The following GALNTL6 variants were observed in gnomAD, a reference collection of about 807,000 sequenced individuals.
GALNTL6 encodes the protein polypeptide N-acetylgalactosaminyltransferase like 6.
In GALNTL6, 46 loss-of-function variants were observed where a neutral mutation model predicts 73.7. That is an observed-to-expected ratio of 0.62 (90% CI 0.49 to 0.80). GALNTL6 has a LOEUF of 0.80. Ranked by LOEUF, GALNTL6 falls within the 30% of genes least tolerant of loss-of-function variation. GALNTL6 has a pLI of 0.00. For missense variants in GALNTL6, 604 were observed against 755.0 expected (o/e 0.80, Z 2.34); for synonymous variants, 259 against 263.7 (o/e 0.98, Z 0.17).
rs565521886 is a variant in GALNTL6, at chr4:172,232,436, T to G, written c.247+2672T>G. On this transcript the variant is annotated intron_variant, in intron 3 of 12. Coordinates refer to ENST00000506823, the MANE Select transcript of GALNTL6 (RefSeq NM_001034845.3). ...TCATTTTTACTATTCTTTAATTTTC[T>G]GTAACATTGTCCTCTTGGTGGGCCT... Among the ~76,000 whole-genome samples the G allele has an allele frequency of 2.2e-4, 34 of 152,334 alleles. 1 individual carries two copies. Among genetic ancestry groups the G allele is most frequent in the Middle Eastern group, 3.4e-3 (1 of 294 alleles).
chr4:172,432,680 GAATA>G (rs1731496790), intron 5 of GALNTL6, among the ~76,000 whole-genome samples: 1 of 151,812 alleles, frequency 6.6e-6, no homozygotes, highest in African/African-American at 2.4e-5. Context: ...CTTTTAAAAT[GAATA>G]AATAGTTGAA....
intron 2 of GALNTL6, among the ~76,000 whole-genome samples, chr4:172,153,077 T>C (rs545552859): frequency 6.6e-6 from 1 of 152,308 alleles, no homozygotes; most frequent in East Asian, 1.9e-4. Context: ...TGCCTTCAAG[T>C]TATAGCTAGA....
intron 2 of GALNTL6, among the ~76,000 whole-genome samples, chr4:172,195,887 C>G (rs1274022154): frequency 6.6e-6 from 1 of 151,650 alleles, no homozygotes; most frequent in Admixed American, 6.6e-5. Context: ...AGCTAGAGAA[C>G]CAAGAGCAAA....
At chr4:171,954,257 A>G (rs999520082) in intron 2 of GALNTL6, among the ~76,000 whole-genome samples, 1 of 152,210 alleles carries the variant, frequency 6.6e-6, no homozygotes, top group Admixed American at 6.5e-5. Context: ...TATGATTTGA[A>G]ATACACTGCT....
chr4:172,756,521 T>C (rs1737760095), intron 5 of GALNTL6, among the ~76,000 whole-genome samples: 1 of 152,042 alleles, frequency 6.6e-6, no homozygotes, highest in South Asian at 2.1e-4. Flanking sequence ...GATGTACACC[T>C]GCAATCCCAG....
intron 5 of GALNTL6, among the ~76,000 whole-genome samples, chr4:172,750,919 C>G (rs1047068084): frequency 2.6e-5 from 4 of 152,000 alleles, no homozygotes; most frequent in Non-Finnish European, 5.9e-5. Context: ...GACTCTGGAG[C>G]CTCAATGTTA....
intron 2 of GALNTL6, among the ~76,000 whole-genome samples, chr4:171,960,557 G>A (rs1739191289): frequency 1.3e-5 from 2 of 151,956 alleles, no homozygotes; most frequent in Non-Finnish European, 2.9e-5. Flanking sequence ...TAGGATTACA[G>A]GTGTGAGCCA....
chr4:172,412,442 T>G (rs1426811879), intron 5 of GALNTL6, among the ~76,000 whole-genome samples: 1 of 152,170 alleles, frequency 6.6e-6, no homozygotes, highest in African/African-American at 2.4e-5. Flanking sequence ...CAAAGCACCA[T>G]TTATGCCAGG....
intron 5 of GALNTL6, among the ~76,000 whole-genome samples, chr4:172,577,254 A>G (rs1034239154): frequency 1.3e-5 from 2 of 152,220 alleles, no homozygotes; most frequent in African/African-American, 4.8e-5. Context: ...GACTTTCACC[A>G]TGAGAAAGTT....
At chr4:172,166,878 A>G (rs957850845) in intron 2 of GALNTL6, among the ~76,000 whole-genome samples, 1 of 152,158 alleles carries the variant, frequency 6.6e-6, no homozygotes, top group African/African-American at 2.4e-5. Context: ...ATGGTTTGTT[A>G]GATGTTTGAT....
At chr4:171,894,398 A>G (rs985352270) in intron 2 of GALNTL6, among the ~76,000 whole-genome samples, 4 of 152,214 alleles carry the variant, frequency 2.6e-5, no homozygotes, top group Admixed American at 2.6e-4. Flanking sequence ...ATATTAGAAT[A>G]TGTACAGCAA....
At chr4:171,864,777 T>C (rs1735928086) in intron 2 of GALNTL6, among the ~76,000 whole-genome samples, 1 of 152,106 alleles carries the variant, frequency 6.6e-6, no homozygotes, top group South Asian at 2.1e-4. Flanking sequence ...CCACTAACTC[T>C]GCCTTAATGA....
At chr4:171,851,093 AG>A (rs1195025983) in intron 2 of GALNTL6, among the ~76,000 whole-genome samples, 1 of 152,234 alleles carries the variant, frequency 6.6e-6, no homozygotes, top group African/African-American at 2.4e-5. Flanking sequence ...TTGAAGTATA[AG>A]ATAGGAACGA....
chr4:172,038,874 G>T (rs1037549261), intron 2 of GALNTL6, among the ~76,000 whole-genome samples: 2 of 152,214 alleles, frequency 1.3e-5, no homozygotes, highest in African/African-American at 4.8e-5. Context: ...ATTCATAGAA[G>T]AAGTAGCTGG....
At chr4:173,007,858 T>C (rs969567946) in intron 10 of GALNTL6, among the ~76,000 whole-genome samples, 1 of 152,134 alleles carries the variant, frequency 6.6e-6, no homozygotes, top group South Asian at 2.1e-4. Context: ...AGACTCTACT[T>C]CTGTTGCTGT....
At chr4:172,593,256 T>G (rs1408139219) in intron 5 of GALNTL6, among the ~76,000 whole-genome samples, 2 of 152,212 alleles carry the variant, frequency 1.3e-5, no homozygotes, top group African/African-American at 2.4e-5. Flanking sequence ...ATAATCTTGT[T>G]TGTTACCTTG....
chr4:172,979,497 A>G (rs1029421521), intron 10 of GALNTL6, among the ~76,000 whole-genome samples: 1 of 152,240 alleles, frequency 6.6e-6, no homozygotes, highest in Admixed American at 6.5e-5. Context: ...GTTCAAGCTC[A>G]TATCTAGCGT....
intron 2 of GALNTL6, among the ~76,000 whole-genome samples, chr4:171,942,990 T>C (rs1242633095): frequency 1.1e-4 from 16 of 152,190 alleles, no homozygotes; most frequent in Admixed American, 1.0e-3. Flanking sequence ...TATTTACTGG[T>C]ATGCCGTCTA....
intron 5 of GALNTL6, among the ~76,000 whole-genome samples, chr4:172,596,156 G>A (rs1274792033): frequency 1.3e-5 from 2 of 151,958 alleles, no homozygotes; most frequent in African/African-American, 4.8e-5. Context: ...ATAATAGAAT[G>A]TGTTAAAGAG....
Sources: gnomAD v4.1 joint callset for allele counts (sites outside exome capture counted in the v4.1 genomes callset) on GRCh38, gnomAD v4.1.1 for gene constraint, MANE v1.5 for transcripts, NCBI Gene and HGNC (gene_info 2026-07-23, HGNC 2026-07-21) for gene names.